Variants in DGKB observed in about 807,000 individuals in gnomAD.
The protein encoded by DGKB is 90 kDa diacylglycerol kinase.
A neutral mutation model predicts 114.3 loss-of-function variants in DGKB; 67 were observed. The observed-to-expected ratio is 0.59, with a 90% CI of 0.48 to 0.72. The LOEUF is 0.72. DGKB is among the 30% of genes least tolerant of loss of function. The probability of loss-of-function intolerance (pLI) is 0.00; values close to 1 mark genes in which losing one functional copy is unlikely to be tolerated. For missense variants in DGKB, 907 were observed against 975.2 expected (o/e 0.93, Z 0.93); for synonymous variants, 398 against 323.1 (o/e 1.23, Z -2.49).
intron 3 of DGKB, among the ~76,000 whole-genome samples, chr7:14,756,356 A>C (rs185026834): frequency 1.3e-3 from 201 of 152,034 alleles, no homozygotes; most frequent in African/African-American, 4.5e-3. Flanking sequence ...TTTAGCTGCT[A>C]ATTTTTTTTT....
chr7:14,226,698 AT>A (rs978395405), intron 23 of DGKB, among the ~76,000 whole-genome samples: 12 of 151,924 alleles, frequency 7.9e-5, no homozygotes, highest in African/African-American at 2.9e-4. Context: ...TGTTGGCCAA[AT>A]TTTTCAGATA....
rs770343023 is a variant in DGKB, at chr7:14,478,147, T to G, written c.1835+14A>C. The G allele has an allele frequency of 3.2e-6, 5 of 1,575,206 alleles. No individual in the cohort carries two copies. In the African/African-American group the frequency reaches 5.4e-5, roughly 17 times the overall value. On this transcript the variant is annotated intron_variant, in intron 21 of 25. Coordinates refer to ENST00000402815, the MANE Select transcript of DGKB (RefSeq NM_001350709.2). ...GCAACTATATCTATAATTTCATCTC[T>G]TTTGTCACCTTACCTACTGTTGAAT...
intron 23 of DGKB, among the ~76,000 whole-genome samples, chr7:14,241,806 C>G (rs1363991422): frequency 6.6e-6 from 1 of 151,880 alleles, no homozygotes; most frequent in Non-Finnish European, 1.5e-5. Context: ...GTTTTACTAA[C>G]ATTATAACAT....
rs917188330 is a variant in DGKB, at chr7:14,931,106, G to C, written c.-188+43590C>G. The stretch of plus-strand genomic sequence containing the variant: ...TTTGATGTGCTGTTAGATTCAGTTT[G>C]CTAGTATTTTTTTTTTTTTTTTTGA... On this transcript the variant is annotated intron_variant, in intron 1 of 4. Transcript: ENST00000437998. Among the ~76,000 whole-genome samples the C allele has an allele frequency of 7.4e-5, 11 of 148,978 alleles. No homozygotes were observed. In the East Asian group the frequency reaches 1.0e-3, roughly 13 times the overall value.
At chr7:14,463,300 G>A (rs559336509) in intron 21 of DGKB, among the ~76,000 whole-genome samples, 24 of 152,202 alleles carry the variant, frequency 1.6e-4, no homozygotes, top group Non-Finnish European at 1.0e-4. Flanking sequence ...GTAGGTGACG[G>A]ATCGATGGGT....
At chr7:14,468,873 T>G (rs1176795905) in intron 21 of DGKB, among the ~76,000 whole-genome samples, 1 of 152,020 alleles carries the variant, frequency 6.6e-6, no homozygotes, top group Non-Finnish European at 1.5e-5. Flanking sequence ...TATATAAAAT[T>G]TTTGCATAGA....
At chr7:14,450,570 C>T (rs964570772) in intron 21 of DGKB, among the ~76,000 whole-genome samples, 1 of 151,916 alleles carries the variant, frequency 6.6e-6, no homozygotes, top group African/African-American at 2.4e-5. Context: ...GGATTGGTCC[C>T]CTTATTCTTC....
intron 20 of DGKB, among the ~76,000 whole-genome samples, chr7:14,558,208 CTA>C (rs532651757): frequency 6.6e-6 from 1 of 150,942 alleles, no homozygotes; most frequent in African/African-American, 2.4e-5. Flanking sequence ...TAGAGGATGA[CTA>C]TATCATAATT....
chr7:14,937,837 T>C (rs1785355858), intron 1 of DGKB, among the ~76,000 whole-genome samples: 1 of 152,224 alleles, frequency 6.6e-6, no homozygotes, highest in African/African-American at 2.4e-5. Context: ...ACCTTTATGA[T>C]GATCCACTTT....
At chr7:14,192,167 C>A in intron 23 of DGKB, 1 of 298,230 alleles carries the variant, frequency 3.4e-6, no homozygotes, top group South Asian at 3.2e-5. Context: ...AGAAGGTAGT[C>A]AAATTGTCCC....
chr7:14,909,849 G>C (rs1304645631), intron 1 of DGKB, among the ~76,000 whole-genome samples: 1 of 151,954 alleles, frequency 6.6e-6, no homozygotes, highest in Admixed American at 6.6e-5. Flanking sequence ...AATTAAGAGG[G>C]GAAAATTATG....
intron 23 of DGKB, among the ~76,000 whole-genome samples, chr7:14,220,835 T>C (rs933257301): frequency 2.0e-5 from 3 of 150,344 alleles, no homozygotes; most frequent in Non-Finnish European, 3.0e-5. Context: ...TTTCTTTCTT[T>C]TAATTTTTTA....
chr7:14,668,209 T>C (rs539114800), intron 13 of DGKB, among the ~76,000 whole-genome samples: 1 of 152,228 alleles, frequency 6.6e-6, no homozygotes, highest in African/African-American at 2.4e-5. Flanking sequence ...GAATAAAATT[T>C]GTGAGGCTGG....
intron 23 of DGKB, among the ~76,000 whole-genome samples, chr7:14,244,045 GA>G (rs1363404084): frequency 5.7e-5 from 8 of 139,304 alleles, no homozygotes; most frequent in African/African-American, 2.0e-4. Flanking sequence ...GACAGAGAGA[GA>G]GAGAGAGGGA....
At chr7:14,587,226 T>A (rs775429676) in intron 17 of DGKB, among the ~76,000 whole-genome samples, 6 of 151,928 alleles carry the variant, frequency 3.9e-5, no homozygotes. Flanking sequence ...CATGGATGAC[T>A]TTAAAGGGTT....
chr7:14,683,000 C>A (rs950438626), intron 10 of DGKB, among the ~76,000 whole-genome samples, 159 bp from the exon 11 acceptor site: 1 of 152,108 alleles, frequency 6.6e-6, no homozygotes, highest in Non-Finnish European at 1.5e-5. Context: ...CTGTTTTTAC[C>A]ATGGAATATA....
intron 17 of DGKB, among the ~76,000 whole-genome samples, chr7:14,605,792 T>C (rs1308864637): frequency 6.6e-6 from 1 of 152,144 alleles, no homozygotes; most frequent in African/African-American, 2.4e-5. Context: ...TTAATTCATA[T>C]TTGTACAAAT....
intron 21 of DGKB, among the ~76,000 whole-genome samples, chr7:14,468,855 T>C (rs1255833220): frequency 4.6e-5 from 7 of 152,192 alleles, no homozygotes; most frequent in African/African-American, 1.4e-4. Flanking sequence ...AGTATTTGTA[T>C]GTGTGTGTAT....
At chr7:14,577,558 AG>A (rs1799338190) in intron 19 of DGKB, among the ~76,000 whole-genome samples, 1 of 152,122 alleles carries the variant, frequency 6.6e-6, no homozygotes, top group Non-Finnish European at 1.5e-5. Context: ...CGGAGCCTGC[AG>A]TGAGCTGAGA....
Sources: allele counts gnomAD v4.1 joint callset (sites outside exome capture counted in the v4.1 genomes callset), GRCh38; gene constraint gnomAD v4.1.1; transcripts MANE v1.5; gene names NCBI Gene and HGNC (gene_info 2026-07-23, HGNC 2026-07-21).